Variants in MAP3K6 observed in about 807,000 individuals in gnomAD.
The protein encoded by MAP3K6 is mitogen-activated protein kinase kinase kinase 6.
In MAP3K6, 105 loss-of-function variants were observed where a neutral mutation model predicts 147.1. The ratio of observed to expected loss-of-function variants is 0.71; its 90% CI spans 0.61 to 0.84. MAP3K6 has a LOEUF of 0.84. Among genes scored for constraint, MAP3K6 ranks in the 40% least tolerant of loss-of-function variants. The pLI is 0.00. For synonymous variants in MAP3K6, 695 were observed against 732.4 expected (o/e 0.95, Z 0.82); for missense variants, 1,569 against 1,715.0 (o/e 0.91, Z 1.50).
In MAP3K6 at chr1:27,358,271, G is replaced by T; in HGVS notation, c.2825C>A (p.Ser942Tyr). The T allele has an allele frequency of 6.2e-7, 1 of 1,606,688 alleles. No homozygotes were observed. Among genetic ancestry groups the T allele is most frequent in the Non-Finnish European group, 8.5e-7 (1 of 1,178,084 alleles). Residue 942 changes from serine to tyrosine, a missense_variant, in exon 21 of 29, where the codon TCT (serine) becomes TAT (tyrosine). By Grantham distance (144) the Ser-to-Tyr change is moderately radical. Coordinates refer to ENST00000357582, the MANE Select transcript of MAP3K6 (RefSeq NM_004672.5). This position sits in a 1 kb window ranked among gnomAD's most constrained non-coding sequence, Gnocchi z 6.2. ...TGCCTGAGGGCACGGGAATGTCTGAGACTGGGTGGTTGAGTTGGCTGAAGG... is the reference window on the plus strand; with the variant it reads ...TGCCTGAGGGCACGGGAATGTCTGATACTGGGTGGTTGAGTTGGCTGAAGG... ...PTPSANSTTQ[S>Y]QTFPCPQAPS... is the part of the protein sequence containing the mutation.
chr1:27,356,764 G>T lies in MAP3K6; in HGVS notation c.3365-15C>A. 6.5e-7 allele frequency: 1 copy of T among 1,538,172 alleles called. No individual in the cohort carries two copies. ...CTTCTCCACCTCTGCAGCCCAGTGC[G>T]GTGAACTCAGGCAAGGCTACAACGC... On this transcript the variant is annotated splice_polypyrimidine_tract_variant and intron_variant, in intron 24 of 28. Transcript: ENST00000357582.
Position 27,359,445 on chromosome 1 carries a change from GC to G in MAP3K6, c.2396del (p.Gly799AlafsTer193), listed in dbSNP as rs1361649465. The G allele has an allele frequency of 6.2e-7, 1 of 1,613,984 alleles. No individual in the cohort carries two copies. The highest frequency in any genetic ancestry group is 1.7e-5 in the Admixed American group (1 of 60,000). On this transcript the variant is annotated frameshift_variant, in exon 18 of 29. Transcript: ENST00000357582. LOFTEE classifies it high-confidence loss of function. The surrounding 1 kb of genome is among the most constrained non-coding windows in gnomAD (Gnocchi z 4.4). ...SDFGTSKRLA[G>X]ITPCTETFTG... ...TGAAGGTCTCAGTGCAAGGTGTGAT[GC>G]CTGCCAGCCGCTTGGAGGTGCCGAA...
chr1:27,355,327 G>T lies in MAP3K6; in HGVS notation c.*64C>A. 6.8e-7 allele frequency: 1 copy of T among 1,462,300 alleles called. No homozygotes were observed. Among genetic ancestry groups the T allele is most frequent in the South Asian group, 1.1e-5 (1 of 88,072 alleles). The allele number at this position is 1,462,300 out of a possible 1,614,324, so 90.6% of individuals were successfully genotyped here. A position where few individuals can be genotyped will look rare whatever the true frequency, so the allele number is the denominator to read the frequency against. ...TCCTGGGGCTGGTGTGTCAGAAGCT[G>T]CCTTTGTCCTCTCCATTCATCCATC... On this transcript the variant is annotated 3_prime_UTR_variant, in exon 29 of 29. Transcript: ENST00000357582.
chr1:27,360,984 C>A lies in MAP3K6; in HGVS notation c.1857G>T (p.Trp619Cys). 1 of 1,604,102 alleles carries A rather than the reference C, an allele frequency of 6.2e-7. No individual in the cohort carries two copies. The highest frequency in any genetic ancestry group is 2.2e-5 in the East Asian group (1 of 44,560). Residue 619 changes from tryptophan to cysteine, a missense_variant, in exon 14 of 29, where the codon TGG (tryptophan) becomes TGT (cysteine). Physicochemically the swap from Trp to Cys is radical, Grantham distance 215. Coordinates refer to ENST00000357582, the MANE Select transcript of MAP3K6 (RefSeq NM_004672.5). The surrounding 1 kb of genome is among the most constrained non-coding windows in gnomAD (Gnocchi z 4.5). The stretch of plus-strand genomic sequence containing the variant: ...GCGCCGTGGAATCCGGGTTCGTCAC[C>A]CAGGCCTGGATCAGGCCGCAGAACC... ...CQWFCGLIQAWVTNPDSTAPA... is the reference protein window; with the variant it reads ...CQWFCGLIQACVTNPDSTAPA...
chr1:27,365,725 G>T (rs1014453142), intron 1 of MAP3K6, among the ~76,000 whole-genome samples: 2 of 151,880 alleles, frequency 1.3e-5, no homozygotes, highest in African/African-American at 4.8e-5. Context: ...AGTCCCGTCG[G>T]GCCCCTTCGC....
chr1:27,358,064 C>G lies in MAP3K6; in HGVS notation c.2915+117G>C. 6.6e-7 allele frequency: 1 copy of G among 1,506,970 alleles called. No homozygotes were observed. Among genetic ancestry groups the G allele is most frequent in the Non-Finnish European group, 8.9e-7 (1 of 1,129,010 alleles). The allele number at this position is 1,506,970 out of a possible 1,614,324, so 93.3% of individuals were successfully genotyped here. ...GCCAGAACAGGGCATGGGGAGGCAC[C>G]AAATGCCACATTCACAAGTGGTCAA... is the stretch of plus-strand genomic sequence containing the variant. On this transcript the variant is annotated intron_variant, in intron 21 of 28. Transcript: ENST00000357582. This position sits in a 1 kb window ranked among gnomAD's most constrained non-coding sequence, Gnocchi z 6.2.
rs1209451488 is a variant in MAP3K6 at position 27,357,555 on chromosome 1, G to T, written c.3103C>A (p.His1035Asn). The change falls in exon 23 of 29, where the codon CAT (histidine) becomes AAT (asparagine). Residue 1035 changes from histidine (H) to asparagine (N), a missense_variant. Transcript: ENST00000357582. ...QEQGARLGRN[H>N]VEELLRCLGA... ...AGGCAGCGCAGCAGCTCTTCCACAT[G>T]GTTTCTGCCCAGACGGGCCCCCTGA... 1 of 1,611,796 alleles carries T rather than the reference G, an allele frequency of 6.2e-7. No homozygotes were observed. Among genetic ancestry groups the T allele is most frequent in the East Asian group, 2.2e-5 (1 of 44,852 alleles).
Position 27,364,428 on chromosome 1 carries a change from G to A in MAP3K6, c.505-34C>T. 6.2e-7 allele frequency: 1 copy of A among 1,611,226 alleles called. No homozygotes were observed. The highest frequency in any genetic ancestry group is 8.5e-7 in the Non-Finnish European group (1 of 1,177,982). ...AGGGAGGCAGGAATCAGTGAGGTCA[G>A]AGGTCAGCACAGGGCTAGACAAGGG... On this transcript the variant is annotated intron_variant, in intron 3 of 28. Coordinates refer to ENST00000357582, the MANE Select transcript of MAP3K6 (RefSeq NM_004672.5). The surrounding 1 kb of genome is among the most constrained non-coding windows in gnomAD (Gnocchi z 4.4).
chr1:27,357,160 G>C, intron 23 of MAP3K6, 46 bp from the exon 24 acceptor site: 16 of 1,550,662 alleles, frequency 1.0e-5, no homozygotes, highest in Non-Finnish European at 1.4e-5. Flanking sequence ...GCCTCAACTA[G>C]AGGCAGGGCT....
rs771708931 is a variant in MAP3K6, at chr1:27,358,410, C to T, written c.2776+9G>A. 1.2e-5 allele frequency: 19 copies of T among 1,582,720 alleles called. No homozygotes were observed. The highest frequency in any genetic ancestry group is 9.2e-5 in the South Asian group (8 of 86,704). ...CCTCCACTGTGCCCATCCCGCCACC[C>T]GCAAGCACCTGAGGGCCGTGGAGCA... On this transcript the variant is annotated intron_variant, in intron 20 of 28. Transcript: ENST00000357582. The surrounding 1 kb of genome is among the most constrained non-coding windows in gnomAD (Gnocchi z 6.2).
chr1:27,361,011 GA>G lies in MAP3K6; in HGVS notation c.1833-4del. ...AGGCCTGGATCAGGCCGCAGAACCT[GA>G]AGGTGGGGGAGGTCAGACCCGCGGG... On this transcript the variant is annotated splice_polypyrimidine_tract_variant and splice_region_variant and intron_variant, in intron 13 of 28. Coordinates refer to ENST00000357582, the MANE Select transcript of MAP3K6 (RefSeq NM_004672.5). The G allele has an allele frequency of 6.3e-7, 1 of 1,584,872 alleles. No individual in the cohort carries two copies. The highest frequency in any genetic ancestry group is 8.6e-7 in the Non-Finnish European group (1 of 1,164,726).
At chr1:27,357,628 T>G in intron 22 of MAP3K6, 52 bp from the exon 23 acceptor site, 1 of 1,589,912 alleles carries the variant, frequency 6.3e-7, no homozygotes. Flanking sequence ...AAAGAGACGC[T>G]GCCGCGGAGG....
chr1:27,357,019 C>A lies in MAP3K6; in HGVS notation c.3354G>T (p.Val1118=), dbSNP rs1258164419. ...LSRAVRAALG[V]LGPEVEKEAV... ...GCATTCCCCTCCTACCCGGTCCTAG[C>A]ACACCCAGGGCTGCCCGCACAGCAC... Residue 1118 remains valine (V), a synonymous_variant, in exon 24 of 29, where the codon GTG becomes GTT. Transcript: ENST00000357582. 1 of 1,613,754 alleles carries A rather than the reference C, an allele frequency of 6.2e-7. No individual in the cohort carries two copies. Among genetic ancestry groups the A allele is most frequent in the African/African-American group, 1.3e-5 (1 of 74,936 alleles).
In MAP3K6 at chr1:27,360,112, T is replaced by G. The variant is rs2015690269; in HGVS notation, c.2183-118A>C. The G allele has an allele frequency of 6.3e-7, 1 of 1,575,968 alleles. No individual in the cohort carries two copies. ...CAACTCCATCACCCAGCGCCACTCC[T>G]CAGCTAATTCTAGGCTACACCACCC... On this transcript the variant is annotated intron_variant, in intron 16 of 28. Coordinates refer to ENST00000357582, the MANE Select transcript of MAP3K6 (RefSeq NM_004672.5). This position sits in a 1 kb window ranked among gnomAD's most constrained non-coding sequence, Gnocchi z 4.5.
Position 27,356,482 on chromosome 1 carries a change from C to T in MAP3K6, c.3543G>A (p.Ala1181=), listed in dbSNP as rs1176872986. ...AETDRLREIL[A]GKEREYQALV... ...GGGCCTGGTACTCCCGTTCCTTCCC[C>T]GCCAGGATTTCGCGCAGCCTGTGGG... Residue 1181 remains alanine, a synonymous_variant, in exon 26 of 29, where the codon GCG becomes GCA. Transcript: ENST00000357582. 4.3e-6 allele frequency: 7 copies of T among 1,613,950 alleles called. No individual in the cohort carries two copies. The highest frequency in any genetic ancestry group is 1.1e-5 in the South Asian group (1 of 91,056).
intron 27 of MAP3K6, 122 bp from the exon 28 acceptor site, chr1:27,355,867 C>T: frequency 8.7e-7 from 1 of 1,146,896 alleles, no homozygotes; most frequent in Non-Finnish European, 1.3e-6. Context: ...CCCTTCTGGG[C>T]CTCAGTTTTC....
At position 27,358,103 on chromosome 1, in the gene MAP3K6, C is replaced by T; in HGVS notation, c.2915+78G>A. The stretch of plus-strand genomic sequence containing the variant: ...ACAAGTGGTCAAGGTGCCCAGGTCC[C>T]CAGGGAGGGCTTTTGTAGGAGAGGA... On this transcript the variant is annotated intron_variant, in intron 21 of 28. Transcript: ENST00000357582. This position sits in a 1 kb window ranked among gnomAD's most constrained non-coding sequence, Gnocchi z 6.2. The T allele has an allele frequency of 6.6e-7, 1 of 1,520,098 alleles. No individual in the cohort carries two copies. Among genetic ancestry groups the T allele is most frequent in the Non-Finnish European group, 8.8e-7 (1 of 1,137,440 alleles). The allele number at this position is 1,520,098 out of a possible 1,614,324, so 94.2% of individuals were successfully genotyped here. A position where few individuals can be genotyped will look rare whatever the true frequency, so the allele number is the denominator to read the frequency against.
rs766268843 is a variant in MAP3K6 at position 27,359,881 on chromosome 1, GGTTGTC to G, written c.2290_2295del (p.Asp764_Asn765del). Reference sequence around the variant, plus strand: ...ACTTTTATGTCCCTGTGCACGATGTGGTTGTCGTGCAAGTAGCCAAGTCCCTGCAGG... The same window carrying G: ...ACTTTTATGTCCCTGTGCACGATGTGGTGCAAGTAGCCAAGTCCCTGCAGG... On this transcript the variant is annotated inframe_deletion, in exon 17 of 29. Transcript: ENST00000357582. The surrounding 1 kb of genome is among the most constrained non-coding windows in gnomAD (Gnocchi z 4.4). 1 of 1,614,150 alleles carries G rather than the reference GGTTGTC, an allele frequency of 6.2e-7. No individual in the cohort carries two copies. The highest frequency in any genetic ancestry group is 2.2e-5 in the East Asian group (1 of 44,870).
Position 27,358,014 on chromosome 1 carries a change from G to C in MAP3K6, c.2916-138C>G. ...ACATAGATAAACCCCGCACTGAGAG[G>C]ACACAACAAGTCCAAGTTAGAGTTG... On this transcript the variant is annotated intron_variant, in intron 21 of 28. Transcript: ENST00000357582. This position sits in a 1 kb window ranked among gnomAD's most constrained non-coding sequence, Gnocchi z 6.2. 2.0e-6 allele frequency: 3 copies of C among 1,475,496 alleles called. No homozygotes were observed. The highest frequency in any genetic ancestry group is 2.8e-5 in the South Asian group (2 of 71,516). The allele number at this position is 1,475,496 out of a possible 1,614,324, so 91.4% of individuals were successfully genotyped here. A position where few individuals can be genotyped will look rare whatever the true frequency, so the allele number is the denominator to read the frequency against.
Sources: allele counts gnomAD v4.1 joint callset (sites outside exome capture counted in the v4.1 genomes callset), GRCh38; gene constraint gnomAD v4.1.1; non-coding constraint Gnocchi (gnomAD v3.1); transcripts MANE v1.5; gene names NCBI Gene and HGNC (gene_info 2026-07-23, HGNC 2026-07-21).